NUBPL: variants seen among roughly 807,000 people sequenced by gnomAD.
NUBPL encodes the protein NUBP iron-sulfur cluster assembly factor, mitochondrial.
Under a neutral mutation model 45.7 loss-of-function variants are expected in NUBPL, and 31 were observed. The observed-to-expected ratio is 0.68, with a 90% CI of 0.51 to 0.92. The LOEUF (loss-of-function observed/expected upper bound fraction) is 0.92. Ranked by LOEUF, NUBPL falls within the 40% of genes least tolerant of loss-of-function variation. NUBPL has a pLI of 0.00. For synonymous variants in NUBPL, 144 were observed against 140.9 expected (o/e 1.02, Z -0.15); for missense variants, 401 against 398.7 (o/e 1.01, Z -0.05).
chr14:31,846,122 C>A, intron 8 of NUBPL: 1 of 313,416 alleles, frequency 3.2e-6, no homozygotes, highest in Admixed American at 4.7e-5. Flanking sequence ...TGTTGTCTTC[C>A]TTCTGTCTAG....
At chr14:31,633,479 A>G (rs1337745381) in intron 4 of NUBPL, among the ~76,000 whole-genome samples, 1 of 152,222 alleles carries the variant, frequency 6.6e-6, no homozygotes, top group African/African-American at 2.4e-5. Flanking sequence ...AGATACAGTC[A>G]CATAGCTTAT....
At chr14:31,757,920 T>A (rs1042799211) in intron 6 of NUBPL, among the ~76,000 whole-genome samples, 2 of 152,080 alleles carry the variant, frequency 1.3e-5, no homozygotes, top group Non-Finnish European at 2.9e-5. Flanking sequence ...ATATACCAAT[T>A]TCATTAACAC....
chr14:31,561,543 G>A lies in NUBPL; in HGVS notation c.104G>A (p.Arg35His). The change falls in exon 1 of 11, where the codon CGC (arginine) becomes CAC (histidine). Residue 35 changes from arginine (R) to histidine (H), a missense_variant. Physicochemically the swap from Arg to His is conservative, Grantham distance 29 (BLOSUM62 0). Transcript: ENST00000281081. ...LGGSRAMVCG[R>H]QLSGAGSETL... is the part of the protein sequence containing the mutation. ...GGAAGCCGAGCGATGGTTTGTGGGC[G>A]CCAGGTCCGTGGTGCTGCAGGGCAG... 7.3e-7 allele frequency: 1 copy of A among 1,377,802 alleles called. No individual in the cohort carries two copies. The highest frequency in any genetic ancestry group is 9.4e-7 in the Non-Finnish European group (1 of 1,058,538). The allele number at this position is 1,377,802 out of a possible 1,614,324, so 85.3% of individuals were successfully genotyped here.
chr14:31,653,259 C>A (rs1383517120), intron 4 of NUBPL, among the ~76,000 whole-genome samples: 1 of 152,192 alleles, frequency 6.6e-6, no homozygotes, highest in Non-Finnish European at 1.5e-5. Context: ...GAGCAGAGAA[C>A]TGTTCTGACC....
At chr14:31,603,490 A>G (rs957157382) in intron 4 of NUBPL, among the ~76,000 whole-genome samples, 2 of 152,074 alleles carry the variant, frequency 1.3e-5, no homozygotes, top group Non-Finnish European at 2.9e-5. Context: ...GAAAATGACT[A>G]TATTTACTCC....
At chr14:31,609,206 G>C (rs1367478511) in intron 4 of NUBPL, among the ~76,000 whole-genome samples, 1 of 151,884 alleles carries the variant, frequency 6.6e-6, no homozygotes, top group Admixed American at 6.6e-5. Context: ...GACACACATA[G>C]ACTGAAAATA....
chr14:31,859,090 C>G (rs755748647), intron 10 of NUBPL, 28 bp from the exon 11 acceptor site: 1 of 1,599,860 alleles, frequency 6.3e-7, no homozygotes, highest in Non-Finnish European at 8.6e-7. Context: ...AAGAGAAATA[C>G]AGAACAAATA....
intron 6 of NUBPL, among the ~76,000 whole-genome samples, chr14:31,766,252 C>T (rs1365260680): frequency 1.3e-5 from 2 of 152,196 alleles, no homozygotes; most frequent in South Asian, 2.1e-4. Flanking sequence ...TTAACTTAGT[C>T]TGTTTTCCAA....
chr14:31,688,037 T>C (rs1053631121), intron 6 of NUBPL, among the ~76,000 whole-genome samples: 1 of 152,212 alleles, frequency 6.6e-6, no homozygotes, highest in East Asian at 1.9e-4. Context: ...GCAGCTTATA[T>C]ATGAGTGCAG....
At chr14:31,592,260 G>A (rs1207059135) in intron 3 of NUBPL, among the ~76,000 whole-genome samples, 1 of 152,194 alleles carries the variant, frequency 6.6e-6, no homozygotes, top group Non-Finnish European at 1.5e-5. Flanking sequence ...GGAAGAAGTG[G>A]AATGGAGTAA....
rs554217375 is a variant in NUBPL at position 31,833,961 on chromosome 14, C to T, written c.693+7247C>T. Reference sequence around the variant, plus strand: ...TGAATTTTGGTGAGCAGCTAGCAGTCTATACCACATTTGACCTGGAAACAA... The same window carrying T: ...TGAATTTTGGTGAGCAGCTAGCAGTTTATACCACATTTGACCTGGAAACAA... On this transcript the variant is annotated intron_variant, in intron 8 of 10. Coordinates refer to ENST00000281081, the MANE Select transcript of NUBPL (RefSeq NM_025152.3). Among the ~76,000 whole-genome samples, 3 of 152,292 alleles carry T rather than the reference C, an allele frequency of 2.0e-5. No homozygotes were observed. In the South Asian group the frequency reaches 6.2e-4, roughly 32 times the overall value.
intron 6 of NUBPL, among the ~76,000 whole-genome samples, chr14:31,704,182 TC>T (rs1167430377): frequency 6.6e-6 from 1 of 152,102 alleles, no homozygotes; most frequent in Non-Finnish European, 1.5e-5. Context: ...GGAGGGTGAC[TC>T]TTTGGGTGGT....
chr14:31,597,123 G>A (rs2034304852), intron 3 of NUBPL, among the ~76,000 whole-genome samples: 1 of 151,842 alleles, frequency 6.6e-6, no homozygotes, highest in Non-Finnish European at 1.5e-5. Flanking sequence ...TTTTCCTCCT[G>A]ATCTTTATAT....
chr14:31,603,860 C>T (rs189417932), intron 4 of NUBPL, among the ~76,000 whole-genome samples: 2 of 152,048 alleles, frequency 1.3e-5, no homozygotes, highest in African/African-American at 4.8e-5. Flanking sequence ...ATGACATGAG[C>T]CAAGGTGTCA....
At chr14:31,598,328 C>T (rs1162278381) in intron 3 of NUBPL, among the ~76,000 whole-genome samples, 1 of 151,996 alleles carries the variant, frequency 6.6e-6, no homozygotes, top group Admixed American at 6.6e-5. Context: ...GTGATTGCTT[C>T]AGTTTTTCAA....
At chr14:31,832,318 A>G (rs2040205523) in intron 8 of NUBPL, among the ~76,000 whole-genome samples, 1 of 152,202 alleles carries the variant, frequency 6.6e-6, no homozygotes, top group Non-Finnish European at 1.5e-5. Context: ...AATGTAATTG[A>G]CATTTTGAAG....
At chr14:31,810,615 A>G (rs2039783398) in intron 7 of NUBPL, among the ~76,000 whole-genome samples, 1 of 152,206 alleles carries the variant, frequency 6.6e-6, no homozygotes, top group Non-Finnish European at 1.5e-5. Context: ...TAGCCCATTT[A>G]CATTTAAGGT....
intron 6 of NUBPL, among the ~76,000 whole-genome samples, chr14:31,686,180 C>T (rs1348162041): frequency 6.6e-6 from 1 of 152,104 alleles, no homozygotes; most frequent in Non-Finnish European, 1.5e-5. Flanking sequence ...CTCTTTGAAG[C>T]CTGCAAGGTG....
chr14:31,669,049 G>GGTCTCA (rs1566489190), intron 4 of NUBPL, among the ~76,000 whole-genome samples: 3 of 152,124 alleles, frequency 2.0e-5, no homozygotes, highest in Non-Finnish European at 4.4e-5. Flanking sequence ...TATTTTTAGA[G>GGTCTCA]TTGGGGTCTC....
Sources: gnomAD v4.1 joint callset for allele counts (sites outside exome capture counted in the v4.1 genomes callset) on GRCh38, gnomAD v4.1.1 for gene constraint, MANE v1.5 for transcripts, NCBI Gene and HGNC (gene_info 2026-07-23, HGNC 2026-07-21) for gene names.